Variants in MAN1A1 observed in about 807,000 individuals in gnomAD.
MAN1A1 encodes mannosyl-oligosaccharide 1,2-alpha-mannosidase IA.
MAN1A1 carries 29 observed loss-of-function variants against 70.8 expected under a neutral mutation model. That is an observed-to-expected ratio of 0.41 (90% CI 0.31 to 0.56). The LOEUF (loss-of-function observed/expected upper bound fraction) is 0.56, where lower values mean the gene tolerates loss of function less well. Among genes scored for constraint, MAN1A1 ranks in the 20% least tolerant of loss-of-function variants. The pLI is 0.29. For missense variants in MAN1A1, 747 were observed against 841.3 expected, an observed-to-expected ratio of 0.89 and a Z score of 1.39; for synonymous variants, 349 against 330.1, an observed-to-expected ratio of 1.06 and a Z score of -0.62.
Position 119,204,748 on chromosome 6 carries a change from A to G in MAN1A1, c.1116+11T>C, listed in dbSNP as rs1378026533. 6.2e-7 allele frequency: 1 copy of G among 1,613,824 alleles called. No individual in the cohort carries two copies. Among genetic ancestry groups the G allele is most frequent in the Non-Finnish European group, 8.5e-7 (1 of 1,179,778 alleles). On this transcript the variant is annotated intron_variant, in intron 7 of 12. Coordinates refer to ENST00000368468, the MANE Select transcript of MAN1A1 (RefSeq NM_005907.4). The stretch of plus-strand genomic sequence containing the variant: ...TTGCTTTGCAGGCCAAGGCACATTG[A>G]AGAATCTCACCTTTTCAGCAAAGAT...
intron 2 of MAN1A1, among the ~76,000 whole-genome samples, chr6:119,319,344 T>C (rs1339485147): frequency 1.3e-5 from 2 of 150,466 alleles, no homozygotes; most frequent in Admixed American, 6.7e-5. Context: ...TGATTTTTTT[T>C]CTTCAAAATG....
At chr6:119,314,899 T>C (rs906346662) in intron 2 of MAN1A1, among the ~76,000 whole-genome samples, 12 of 152,162 alleles carry the variant, frequency 7.9e-5, no homozygotes, top group African/African-American at 2.9e-4. Flanking sequence ...TGTATGCTAC[T>C]GGGGCAGACA....
chr6:119,206,324 T>G (rs999288974), intron 6 of MAN1A1, among the ~76,000 whole-genome samples: 15 of 152,176 alleles, frequency 9.9e-5, no homozygotes, highest in Non-Finnish European at 1.9e-4. Flanking sequence ...CCCCACTTTG[T>G]TTTTTGCCAT....
chr6:119,333,764 A>G (rs195076), intron 2 of MAN1A1, among the ~76,000 whole-genome samples: 27,811 of 152,198 alleles, frequency 0.18, 2,883 homozygotes, highest in East Asian at 0.31. Flanking sequence ...TGGTTAACTC[A>G]GACCAATACC....
At chr6:119,297,237 A>C (rs1179881482) in intron 4 of MAN1A1, among the ~76,000 whole-genome samples, 1 of 152,192 alleles carries the variant, frequency 6.6e-6, no homozygotes, top group African/African-American at 2.4e-5. Context: ...AGACCAAGTG[A>C]CTTGAACTCC....
intron 6 of MAN1A1, among the ~76,000 whole-genome samples, chr6:119,232,388 A>AAAAG (rs1774708685): frequency 6.8e-6 from 1 of 146,188 alleles, no homozygotes; most frequent in African/African-American, 2.5e-5. Flanking sequence ...AAAAAAAAAA[A>AAAAG]AAAAGAAAAA....
intron 5 of MAN1A1, among the ~76,000 whole-genome samples, chr6:119,280,670 A>C (rs1236701801): frequency 6.6e-6 from 1 of 152,232 alleles, no homozygotes; most frequent in African/African-American, 2.4e-5. Context: ...AATAATTTGC[A>C]AGAACATTCC....
chr6:119,331,440 T>G (rs1010974814), intron 2 of MAN1A1, among the ~76,000 whole-genome samples: 6 of 151,934 alleles, frequency 3.9e-5, no homozygotes, highest in Non-Finnish European at 8.8e-5. Flanking sequence ...AATTTAGATT[T>G]GTTTCTTCCA....
At chr6:119,283,593 A>G (rs746599218) in intron 5 of MAN1A1, among the ~76,000 whole-genome samples, 1 of 151,192 alleles carries the variant, frequency 6.6e-6, no homozygotes, top group Non-Finnish European at 1.5e-5. Flanking sequence ...GCAGCCAGGG[A>G]AGGCCTCGGA....
intron 7 of MAN1A1, among the ~76,000 whole-genome samples, chr6:119,203,433 A>G (rs1773770940): frequency 6.6e-6 from 1 of 152,032 alleles, no homozygotes; most frequent in Non-Finnish European, 1.5e-5. Flanking sequence ...AAAGGGGAGA[A>G]TGTCAGCAGG....
At chr6:119,350,459 C>CA, upstream of MAN1A1, 3 of 897,730 alleles carry the variant, frequency 3.3e-6, no homozygotes, top group Non-Finnish European at 4.0e-6. Context: ...TTTCTTCCCC[C>CA]AAAAAACAAA....
At chr6:119,266,312 A>G (rs567852518) in intron 5 of MAN1A1, among the ~76,000 whole-genome samples, 1 of 152,282 alleles carries the variant, frequency 6.6e-6, no homozygotes, top group South Asian at 2.1e-4. Context: ...GATTGACACT[A>G]CCCAACTTCA....
chr6:119,187,303 A>G (rs1773317055), intron 11 of MAN1A1, among the ~76,000 whole-genome samples: 1 of 152,312 alleles, frequency 6.6e-6, no homozygotes, highest in African/African-American at 2.4e-5. Context: ...TTGCTGGCCA[A>G]TTGAAGACCA....
chr6:119,180,205 C>A, intron 12 of MAN1A1, 107 bp downstream of exon 12: 1 of 813,148 alleles, frequency 1.2e-6, no homozygotes, highest in Non-Finnish European at 2.0e-6. Context: ...GCCTGATATT[C>A]TGAATCAGGC....
chr6:119,342,358 G>A (rs1162064271), intron 2 of MAN1A1, among the ~76,000 whole-genome samples: 2 of 152,102 alleles, frequency 1.3e-5, no homozygotes, highest in South Asian at 2.1e-4. Flanking sequence ...TTGGCTTGAT[G>A]GCTTTAGGTG....
At chr6:119,242,964 A>T (rs907127636) in intron 6 of MAN1A1, among the ~76,000 whole-genome samples, 7 of 152,026 alleles carry the variant, frequency 4.6e-5, no homozygotes, top group African/African-American at 9.7e-5. Flanking sequence ...CCCAATATTT[A>T]AAAAAAATCC....
intron 2 of MAN1A1, among the ~76,000 whole-genome samples, chr6:119,319,380 T>TC (rs1179278593): frequency 2.2e-4 from 33 of 149,400 alleles, no homozygotes; most frequent in African/African-American, 7.4e-4. Flanking sequence ...ATAATAATAA[T>TC]AATAATAATA....
intron 4 of MAN1A1, among the ~76,000 whole-genome samples, chr6:119,297,496 T>C (rs182704339): frequency 6.8e-4 from 103 of 152,266 alleles, no homozygotes; most frequent in Non-Finnish European, 3.4e-4. Context: ...CTCAACTCTT[T>C]GCATTTCTTC....
At position 119,349,710 on chromosome 6, in the gene MAN1A1, A is replaced by G; in HGVS notation, c.-391T>C. The G allele has an allele frequency of 2.0e-6, 2 of 985,742 alleles. No homozygotes were observed. The highest frequency in any genetic ancestry group is 2.4e-6 in the Non-Finnish European group (2 of 830,022). 61.1% of individuals were successfully genotyped at this position (985,742 alleles called of 1,614,324 possible). ...GGCGAGCGCGCCGACCTGCGGGCGAATGGCAGCGAGTAGAGCAGCACGGTA... is the reference window on the plus strand; with the variant it reads ...GGCGAGCGCGCCGACCTGCGGGCGAGTGGCAGCGAGTAGAGCAGCACGGTA... On this transcript the variant is annotated 5_prime_UTR_variant, in exon 1 of 13. Coordinates refer to ENST00000368468, the MANE Select transcript of MAN1A1 (RefSeq NM_005907.4).
Sources: gnomAD v4.1 joint callset for allele counts (sites outside exome capture counted in the v4.1 genomes callset) on GRCh38, gnomAD v4.1.1 for gene constraint, MANE v1.5 for transcripts, NCBI Gene and HGNC (gene_info 2026-07-23, HGNC 2026-07-21) for gene names.